CUL3: variants seen among roughly 807,000 people sequenced by gnomAD.
The protein encoded by CUL3 is cullin-3.
Under a neutral mutation model 89.1 loss-of-function variants are expected in CUL3, and 19 were observed. That is an observed-to-expected ratio of 0.21 (90% CI 0.15 to 0.31). The LOEUF is 0.31. Among genes scored for constraint, CUL3 ranks in the 10% least tolerant of loss-of-function variants. CUL3 has a pLI of 1.00. For missense variants in CUL3, 469 were observed against 942.3 expected (o/e 0.50, Z 6.58); for synonymous variants, 351 against 308.4 (o/e 1.14, Z -1.45).
At chr2:224,573,951 T>C (rs1168682262) in intron 1 of CUL3, among the ~76,000 whole-genome samples, 1 of 152,104 alleles carries the variant, frequency 6.6e-6, no homozygotes, top group Non-Finnish European at 1.5e-5. Flanking sequence ...CTAGTGGAAA[T>C]GGAAAGGAAT....
chr2:224,560,131 G>A, intron 1 of CUL3, among the ~76,000 whole-genome samples: 1 of 152,048 alleles, frequency 6.6e-6, no homozygotes. Context: ...TAACTTCCAA[G>A]CACTACAATC....
chr2:224,529,355 C>CGCCTGTAATCCCAGTACTTTGGGA (rs1256469153), intron 3 of CUL3, among the ~76,000 whole-genome samples: 1 of 151,696 alleles, frequency 6.6e-6, no homozygotes, highest in Non-Finnish European at 1.5e-5. Flanking sequence ...TGGTGGCTCA[C>CGCCTGTAATCCCAGTACTTTGGGA]GCCTGTAATC....
intron 8 of CUL3, 28 bp from the exon 9 acceptor site, chr2:224,503,850 AT>A (rs1379505709): frequency 2.0e-6 from 3 of 1,494,168 alleles, no homozygotes; most frequent in Non-Finnish European, 2.7e-6. Context: ...TGTAACAATT[AT>A]ACAATTTTAG....
chr2:224,558,925 G>A (rs1041561836), intron 1 of CUL3, among the ~76,000 whole-genome samples: 4 of 151,570 alleles, frequency 2.6e-5, no homozygotes, highest in Non-Finnish European at 5.9e-5. Flanking sequence ...GCGTGGTGGT[G>A]GGCGCCTGTA....
chr2:224,500,781 C>T (rs963117174), intron 10 of CUL3, among the ~76,000 whole-genome samples: 2 of 151,852 alleles, frequency 1.3e-5, no homozygotes, highest in Non-Finnish European at 2.9e-5. Context: ...ATGCCCACCA[C>T]GCCTGGCTGA....
chr2:224,500,088 T>A (rs1255276761), intron 11 of CUL3: 1 of 290,510 alleles, frequency 3.4e-6, no homozygotes, highest in Non-Finnish European at 6.7e-6. Context: ...TCATTTACTT[T>A]CTCTTTTTCC....
rs1214853124 is a variant in CUL3, at chr2:224,472,206, CTA to C, written c.*2037_*2038del. The C allele has an allele frequency of 4.5e-6, 1 of 223,932 alleles. No individual in the cohort carries two copies. Among genetic ancestry groups the C allele is most frequent in the Non-Finnish European group, 8.9e-6 (1 of 112,436 alleles). 13.9% of individuals were successfully genotyped at this position (223,932 alleles called of 1,614,324 possible). On this transcript the variant is annotated 3_prime_UTR_variant, in exon 16 of 16. Transcript: ENST00000264414. ...TGCTCCAAAGTTAACAAGTATGTCT[CTA>C]AACTCTAGATCTGATTTTTACAGCC... is the stretch of plus-strand genomic sequence containing the variant.
intron 2 of CUL3, among the ~76,000 whole-genome samples, chr2:224,547,489 CTCTT>C (rs1271205911): frequency 6.6e-6 from 1 of 152,098 alleles, no homozygotes; most frequent in African/African-American, 2.4e-5. Context: ...AAGTGACCTC[CTCTT>C]TCTACCTTGC....
intron 3 of CUL3, among the ~76,000 whole-genome samples, chr2:224,530,544 A>G (rs1023668155): frequency 2.0e-5 from 3 of 152,164 alleles, no homozygotes; most frequent in African/African-American, 7.2e-5. Context: ...AGAGGTGCAT[A>G]TGTTTGTCAA....
intron 15 of CUL3, among the ~76,000 whole-genome samples, chr2:224,476,326 G>A (rs1351914391): frequency 6.6e-6 from 1 of 152,146 alleles, no homozygotes; most frequent in East Asian, 1.9e-4. Flanking sequence ...ACGCATTTAT[G>A]TATTATCTAT....
In CUL3 at chr2:224,472,559, T is replaced by C. The variant is rs531497775; in HGVS notation, c.*1686A>G. 1 of 186,666 alleles carries C rather than the reference T, an allele frequency of 5.4e-6. No homozygotes were observed. Among genetic ancestry groups the C allele is most frequent in the Non-Finnish European group, 1.1e-5 (1 of 88,444 alleles). The allele number at this position is 186,666 out of a possible 1,614,324, so 11.6% of individuals were successfully genotyped here. The stretch of plus-strand genomic sequence containing the variant: ...CACCTGACTTAGTACTACTCAAGTA[T>C]GGTAAAAGTGTCCTGAGAATAATGT... On this transcript the variant is annotated 3_prime_UTR_variant, in exon 16 of 16. Coordinates refer to ENST00000264414, the MANE Select transcript of CUL3 (RefSeq NM_003590.5).
intron 3 of CUL3, among the ~76,000 whole-genome samples, chr2:224,527,043 G>T (rs972345955): frequency 6.6e-6 from 1 of 152,110 alleles, no homozygotes; most frequent in Non-Finnish European, 1.5e-5. Flanking sequence ...ACTATAAAAA[G>T]ATGCCGGGGT....
chr2:224,527,952 A>G (rs1311554574), intron 3 of CUL3, among the ~76,000 whole-genome samples: 1 of 152,190 alleles, frequency 6.6e-6, no homozygotes, highest in Non-Finnish European at 1.5e-5. Context: ...AGTACCCTGG[A>G]AAAAGGTCAA....
At chr2:224,474,556 A>C in intron 15 of CUL3, 180 bp from the exon 16 acceptor site, 1 of 548,184 alleles carries the variant, frequency 1.8e-6, no homozygotes, top group East Asian at 2.9e-5. Flanking sequence ...GTTACAACAC[A>C]CTTCCTCAAA....
chr2:224,542,796 G>A (rs778322927), intron 2 of CUL3, among the ~76,000 whole-genome samples: 3 of 152,124 alleles, frequency 2.0e-5, no homozygotes, highest in Non-Finnish European at 2.9e-5. Flanking sequence ...TCAAATTACT[G>A]GTAAAGAGAA....
chr2:224,481,708 T>A (rs779253303), intron 14 of CUL3, among the ~76,000 whole-genome samples, 184 bp downstream of exon 14: 40 of 152,158 alleles, frequency 2.6e-4, no homozygotes, highest in Non-Finnish European at 4.9e-4. Flanking sequence ...AAATGCTTAC[T>A]GTACTTGGAT....
chr2:224,568,117 C>A (rs2106318325), intron 1 of CUL3, among the ~76,000 whole-genome samples: 1 of 152,196 alleles, frequency 6.6e-6, no homozygotes, highest in Middle Eastern at 3.4e-3. Context: ...TTACACATAT[C>A]TTCTGAACAC....
At chr2:224,514,560 C>G (rs752480065) in intron 4 of CUL3, 52 bp downstream of exon 4, 115 of 1,440,364 alleles carry the variant, frequency 8.0e-5, no homozygotes, top group Non-Finnish European at 1.1e-4. Context: ...GAATCGTTCT[C>G]AAGATATAAT....
intron 3 of CUL3, 69 bp downstream of exon 3, chr2:224,535,459 C>T (rs536904741): frequency 1.0e-4 from 112 of 1,083,342 alleles, no homozygotes; most frequent in Middle Eastern, 6.4e-4. Flanking sequence ...CGTGAGCCAC[C>T]GTGCCCAGCC....
Sources: gnomAD v4.1 joint callset for allele counts (sites outside exome capture counted in the v4.1 genomes callset) on GRCh38, gnomAD v4.1.1 for gene constraint, MANE v1.5 for transcripts, NCBI Gene and HGNC (gene_info 2026-07-23, HGNC 2026-07-21) for gene names.